The following YAF2 variants were observed in gnomAD, a reference collection of about 807,000 sequenced individuals.
YAF2 encodes YY1 associated factor 2, also known as YY1-associated factor 2.
A neutral mutation model predicts 20.1 loss-of-function variants in YAF2; 7 were observed. The observed-to-expected ratio is 0.35, with a 90% confidence interval of 0.20 to 0.65. The LOEUF is 0.65. Ranked by LOEUF, YAF2 falls within the 30% of genes least tolerant of loss-of-function variation. YAF2 has a pLI of 0.69. For missense variants in YAF2, 151 were observed against 219.2 expected (o/e 0.69, Z 1.96); for synonymous variants, 74 against 76.0 (o/e 0.97, Z 0.14).
intron 2 of YAF2, among the ~76,000 whole-genome samples, chr12:42,218,943 C>G (rs979887140): frequency 6.6e-6 from 1 of 152,086 alleles, no homozygotes; most frequent in Non-Finnish European, 1.5e-5. Flanking sequence ...TCTCTCCTGC[C>G]ACCCTACAAA....
intron 3 of YAF2, 186 bp from the exon 4 acceptor site, chr12:42,161,012 C>G (rs2065788107): frequency 3.6e-6 from 2 of 562,036 alleles, no homozygotes; most frequent in South Asian, 2.5e-5. Flanking sequence ...ACCAATCATT[C>G]ATGAACATTC....
chr12:42,186,073 C>T (rs2066464973), intron 2 of YAF2, among the ~76,000 whole-genome samples: 1 of 151,476 alleles, frequency 6.6e-6, no homozygotes, highest in Admixed American at 6.6e-5. Flanking sequence ...TGCCTATAAT[C>T]CCAGCTACTC....
In YAF2 at chr12:42,236,238, C is replaced by A. The variant is rs115709087; in HGVS notation, c.152+1361G>T. On this transcript the variant is annotated intron_variant, in intron 2 of 3. Coordinates refer to ENST00000534854, the MANE Select transcript of YAF2 (RefSeq NM_005748.6). ...ATACTCTAAACCAACTCCAACCTTA[C>A]ACAGCCAAGAAGATACTCTGCTTTT... Among the ~76,000 whole-genome samples the A allele has an allele frequency of 0.011, 1,602 of 152,330 alleles. 29 individuals carry two copies. Among genetic ancestry groups the A allele is most frequent in the African/African-American group, 0.037 (1,533 of 41,562 alleles).
intron 2 of YAF2, among the ~76,000 whole-genome samples, chr12:42,176,367 T>G (rs114634429): frequency 0.023 from 3,496 of 152,150 alleles, 128 homozygotes; most frequent in African/African-American, 0.08. Context: ...GTGATACTCC[T>G]GCCTCAGCCA....
chr12:42,187,130 A>T (rs2066494802), intron 2 of YAF2, among the ~76,000 whole-genome samples: 1 of 151,864 alleles, frequency 6.6e-6, no homozygotes, highest in Admixed American at 6.6e-5. Context: ...TTACTATTTT[A>T]TATTTTTATT....
intron 2 of YAF2, among the ~76,000 whole-genome samples, chr12:42,167,397 C>T (rs571498450): frequency 5.3e-5 from 8 of 152,190 alleles, no homozygotes; most frequent in African/African-American, 1.7e-4. Context: ...TTATATATGA[C>T]AGAAATATAA....
chr12:42,201,659 C>T (rs1296864338), intron 2 of YAF2, among the ~76,000 whole-genome samples: 1 of 152,134 alleles, frequency 6.6e-6, no homozygotes, highest in Non-Finnish European at 1.5e-5. Flanking sequence ...GCAACCTCCA[C>T]CTCCTGGATT....
intron 2 of YAF2, among the ~76,000 whole-genome samples, chr12:42,224,392 T>C (rs1173240064): frequency 1.3e-5 from 2 of 152,114 alleles, no homozygotes; most frequent in Non-Finnish European, 2.9e-5. Context: ...CTTTTTTTTA[T>C]TATACTTTAA....
intron 2 of YAF2, among the ~76,000 whole-genome samples, chr12:42,184,672 C>T (rs911991231): frequency 7.9e-5 from 12 of 152,084 alleles, no homozygotes; most frequent in Non-Finnish European, 1.6e-4. Flanking sequence ...AGTGTGATTC[C>T]TTGGATGGAT....
At chr12:42,170,635 C>T (rs982523784) in intron 2 of YAF2, among the ~76,000 whole-genome samples, 25 of 151,984 alleles carry the variant, frequency 1.6e-4, no homozygotes, top group African/African-American at 5.8e-4. Flanking sequence ...TATGGTGAAA[C>T]CCTGTCTCTA....
At chr12:42,195,999 A>G (rs898205670) in intron 2 of YAF2, among the ~76,000 whole-genome samples, 1 of 152,074 alleles carries the variant, frequency 6.6e-6, no homozygotes, top group African/African-American at 2.4e-5. Context: ...AGGTGGGTGG[A>G]TCACCTGAGG....
intron 2 of YAF2, among the ~76,000 whole-genome samples, chr12:42,190,658 C>A (rs778964786): frequency 6.6e-6 from 1 of 151,980 alleles, no homozygotes; most frequent in South Asian, 2.1e-4. Context: ...TTATTTGTAT[C>A]CTGTATGTTA....
intron 2 of YAF2, among the ~76,000 whole-genome samples, chr12:42,204,607 G>A (rs945523873): frequency 6.6e-6 from 1 of 152,004 alleles, no homozygotes; most frequent in East Asian, 1.9e-4. Flanking sequence ...AACAACACAG[G>A]ACTATAATAG....
At chr12:42,207,054 A>G (rs1325049077) in intron 2 of YAF2, among the ~76,000 whole-genome samples, 2 of 152,172 alleles carry the variant, frequency 1.3e-5, no homozygotes, top group African/African-American at 4.8e-5. Flanking sequence ...CCTGAGCCCA[A>G]CATGATACTT....
chr12:42,235,548 C>A, intron 2 of YAF2: 1 of 1,360,358 alleles, frequency 7.4e-7, no homozygotes, highest in South Asian at 1.6e-5. Flanking sequence ...GAGCCAAAAT[C>A]AAAAGAGAAG....
At chr12:42,186,521 C>G (rs1470323044) in intron 2 of YAF2, among the ~76,000 whole-genome samples, 1 of 151,772 alleles carries the variant, frequency 6.6e-6, no homozygotes, top group Admixed American at 6.6e-5. Flanking sequence ...ACTAAAAATA[C>G]AAAAATTAGC....
At chr12:42,233,283 C>T (rs1384232417) in intron 2 of YAF2, 1 of 985,354 alleles carries the variant, frequency 1.0e-6, no homozygotes, top group Non-Finnish European at 1.2e-6. Flanking sequence ...TTACCTGTTA[C>T]ATTTGAAAGC....
chr12:42,160,662 T>C lies in YAF2; in HGVS notation c.470A>G (p.Asn157Ser). Residue 157 changes from asparagine (N) to serine (S), a missense_variant, in exon 4 of 4, where the codon AAC (asparagine) becomes AGC (serine). Physicochemically the swap from Asn to Ser is conservative, Grantham distance 46. This residue lies in a region of YAF2 where 51 missense variants were observed against 48.9 expected (regional missense o/e 1.04). Transcript: ENST00000534854. ...TGACCTGGACATTCCTCTCTCTGTG[T>C]TATCAGAGCTAGAGCCGCTTTGACT... ...QHSQSGSSSD[N>S]TERGMSRSSS... 2 of 1,613,886 alleles carry C rather than the reference T, an allele frequency of 1.2e-6. No individual in the cohort carries two copies. Among genetic ancestry groups the C allele is most frequent in the Non-Finnish European group, 1.7e-6 (2 of 1,179,894 alleles).
intron 2 of YAF2, among the ~76,000 whole-genome samples, chr12:42,213,901 G>A (rs1461640503): frequency 1.3e-5 from 2 of 151,970 alleles, no homozygotes; most frequent in Non-Finnish European, 2.9e-5. Flanking sequence ...ATTTCTAATT[G>A]GAATAAATAT....
Sources: allele counts gnomAD v4.1 joint callset (sites outside exome capture counted in the v4.1 genomes callset), GRCh38; gene constraint gnomAD v4.1.1; regional missense constraint gnomAD v4.1.1; transcripts MANE v1.5; gene names NCBI Gene and HGNC (gene_info 2026-07-23, HGNC 2026-07-21).